TBC1D19: variants seen among roughly 807,000 people sequenced by gnomAD.
TBC1D19 encodes TBC1 domain family member 19, also known as TBC1 domain family, member 19.
In TBC1D19, 60 loss-of-function variants were observed where a neutral mutation model predicts 89.0. The ratio of observed to expected loss-of-function variants is 0.67; its 90% CI spans 0.55 to 0.84. The LOEUF is 0.84. TBC1D19 is among the 40% of genes least tolerant of loss of function. TBC1D19 has a pLI of 0.00. For missense variants in TBC1D19, 500 were observed against 610.8 expected, an observed-to-expected ratio of 0.82 and a Z score of 1.91; for synonymous variants, 189 against 199.7, an observed-to-expected ratio of 0.95 and a Z score of 0.45.
chr4:26,783,733 G>T, the TBC1D19 span, among the ~76,000 whole-genome samples: 1 of 152,276 alleles, frequency 6.6e-6, no homozygotes. Flanking sequence ...TATAAGACAG[G>T]AGGATGCGGG....
At chr4:26,799,395 TA>T in the TBC1D19 span, among the ~76,000 whole-genome samples, 25 of 152,250 alleles carry the variant, frequency 1.6e-4, no homozygotes, top group Middle Eastern at 3.4e-3. Context: ...GCTTTTTAAT[TA>T]AGGTTGGAAA....
At chr4:26,777,135 C>CTT in the TBC1D19 span, among the ~76,000 whole-genome samples, 4 of 122,696 alleles carry the variant, frequency 3.3e-5, no homozygotes, top group African/African-American at 8.8e-5. Context: ...TCTCTCTCTT[C>CTT]TTTTTTTTTT....
At chr4:26,710,192 C>G (rs1716065627) in intron 13 of TBC1D19, among the ~76,000 whole-genome samples, 1 of 152,046 alleles carries the variant, frequency 6.6e-6, no homozygotes, top group Non-Finnish European at 1.5e-5. Flanking sequence ...TCCCCCAACC[C>G]CACAACAGTC....
upstream of TBC1D19, among the ~76,000 whole-genome samples, chr4:26,580,971 T>G (rs778908633): frequency 4.6e-5 from 7 of 152,228 alleles, no homozygotes; most frequent in Non-Finnish European, 8.8e-5. Flanking sequence ...AAGGCAGGGT[T>G]GGGCCCAGAG....
the TBC1D19 span, among the ~76,000 whole-genome samples, chr4:26,823,781 G>A: frequency 4.0e-3 from 608 of 152,310 alleles, 8 homozygotes; most frequent in African/African-American, 0.014. Context: ...ATTTAAGGTT[G>A]CTAACACTCT....
chr4:26,596,620 T>G (rs1364657068), intron 1 of TBC1D19, among the ~76,000 whole-genome samples: 2 of 150,988 alleles, frequency 1.3e-5, no homozygotes, highest in Non-Finnish European at 3.0e-5. Flanking sequence ...TCCTCCTGTT[T>G]TTTTTTTTTT....
chr4:26,690,898 T>C (rs1714216578), intron 13 of TBC1D19, among the ~76,000 whole-genome samples: 1 of 152,222 alleles, frequency 6.6e-6, no homozygotes, highest in African/African-American at 2.4e-5. Context: ...TGTAAGGCTA[T>C]ATAGTGTCAT....
chr4:26,742,229 T>A (rs1718412206), intron 17 of TBC1D19, among the ~76,000 whole-genome samples: 1 of 152,182 alleles, frequency 6.6e-6, no homozygotes, highest in African/African-American at 2.4e-5. Context: ...TTCCTTGGAC[T>A]CTCCAAATAT....
intron 13 of TBC1D19, among the ~76,000 whole-genome samples, chr4:26,713,701 T>C (rs1428449834): frequency 6.6e-6 from 1 of 152,066 alleles, no homozygotes; most frequent in Admixed American, 6.6e-5. Flanking sequence ...ATTTAGACTA[T>C]GTAATAGAAA....
At chr4:26,627,337 G>T (rs1241315831) in intron 4 of TBC1D19, among the ~76,000 whole-genome samples, 2 of 151,906 alleles carry the variant, frequency 1.3e-5, no homozygotes, top group Non-Finnish European at 2.9e-5. Flanking sequence ...GTGAATAGTG[G>T]CGCAATAAAC....
intron 1 of TBC1D19, among the ~76,000 whole-genome samples, chr4:26,605,532 A>G (rs1243331231): frequency 2.0e-5 from 3 of 152,050 alleles, no homozygotes; most frequent in African/African-American, 7.2e-5. Context: ...ATGTGTCTTT[A>G]TAGCAGCATG....
At chr4:26,669,886 A>G (rs1712138311) in intron 9 of TBC1D19, among the ~76,000 whole-genome samples, 1 of 151,760 alleles carries the variant, frequency 6.6e-6, no homozygotes, top group African/African-American at 2.4e-5. Flanking sequence ...TCTTAAGAGA[A>G]ATTTTAACTT....
the TBC1D19 span, among the ~76,000 whole-genome samples, chr4:26,809,076 A>G: frequency 1.3e-5 from 2 of 152,230 alleles, no homozygotes; most frequent in African/African-American, 4.8e-5. Context: ...GTGCTCACAA[A>G]TAAAAGACAT....
intron 13 of TBC1D19, among the ~76,000 whole-genome samples, chr4:26,717,185 G>C (rs1716683800): frequency 2.0e-5 from 3 of 151,882 alleles, no homozygotes; most frequent in African/African-American, 7.3e-5. Context: ...CTGTGCACCT[G>C]TTCTGCCTTT....
chr4:26,739,962 T>C lies in TBC1D19; in HGVS notation c.1216T>C (p.Ser406Pro). Residue 406 changes from serine to proline, a missense_variant, in exon 17 of 21, where the codon TCT (serine) becomes CCT (proline). Physicochemically the swap from Ser to Pro is moderately conservative, Grantham distance 74. Around this residue, in one of 2 missense-constraint regions of TBC1D19, gnomAD observed 220 missense variants for 319.1 expected, o/e 0.69. Transcript: ENST00000264866. The stretch of plus-strand genomic sequence containing the variant: ...TTTCTTCAGACTCCATTCCATCTCT[T>C]CTCATCCTTCTGTAAGTTCATAAGA... Reference protein sequence around the residue: ...RFFFRLHSISSHPSGIVSLCL... With the variant: ...RFFFRLHSISPHPSGIVSLCL... 1 of 1,577,106 alleles carries C rather than the reference T, an allele frequency of 6.3e-7. No individual in the cohort carries two copies. The highest frequency in any genetic ancestry group is 8.6e-7 in the Non-Finnish European group (1 of 1,159,492).
At chr4:26,748,329 A>G (rs1718763529) in intron 18 of TBC1D19, 82 bp from the exon 19 acceptor site, 2 of 925,910 alleles carry the variant, frequency 2.2e-6, no homozygotes, top group African/African-American at 3.3e-5. Context: ...CTTGAATAGA[A>G]TTGGTTGGGT....
chr4:26,848,892 A>C, the TBC1D19 span, among the ~76,000 whole-genome samples: 1 of 152,306 alleles, frequency 6.6e-6, no homozygotes, highest in East Asian at 1.9e-4. Flanking sequence ...GTGGTTCAGT[A>C]TTAAAATACA....
At chr4:26,836,172 T>A in the TBC1D19 span, among the ~76,000 whole-genome samples, 1 of 152,206 alleles carries the variant, frequency 6.6e-6, no homozygotes. Flanking sequence ...ACCTCCCCTG[T>A]CTTAATGCTC....
chr4:26,711,677 A>G (rs1716198556), intron 13 of TBC1D19, among the ~76,000 whole-genome samples: 1 of 152,056 alleles, frequency 6.6e-6, no homozygotes, highest in Non-Finnish European at 1.5e-5. Flanking sequence ...GTGTAGCTTC[A>G]TCCTGATGAA....
Sources: allele counts gnomAD v4.1 joint callset (sites outside exome capture counted in the v4.1 genomes callset), GRCh38; gene constraint gnomAD v4.1.1; regional missense constraint gnomAD v4.1.1; transcripts MANE v1.5; gene names NCBI Gene and HGNC (gene_info 2026-07-23, HGNC 2026-07-21).